The following SPATA17 variants were observed in gnomAD, a reference collection of about 807,000 sequenced individuals.
SPATA17 encodes the protein spermatogenesis-associated protein 17.
In SPATA17, 53 loss-of-function variants were observed where a neutral mutation model predicts 62.2. The ratio of observed to expected loss-of-function variants is 0.85; its 90% confidence interval spans 0.68 to 1.07. SPATA17 has a LOEUF of 1.07. Among genes scored for constraint, SPATA17 ranks in the 50% least tolerant of loss-of-function variants. SPATA17 has a pLI of 0.00. For missense variants in SPATA17, 466 were observed against 425.5 expected, an observed-to-expected ratio of 1.10 and a Z score of -0.84; for synonymous variants, 146 against 146.8, an observed-to-expected ratio of 0.99 and a Z score of 0.04.
At chr1:217,660,300 T>C (rs1318697699) in intron 3 of SPATA17, among the ~76,000 whole-genome samples, 2 of 152,206 alleles carry the variant, frequency 1.3e-5, no homozygotes, top group Non-Finnish European at 2.9e-5. Context: ...ATACATTTGT[T>C]TATTTACATC....
chr1:217,842,070 A>C (rs866339696), intron 9 of SPATA17, among the ~76,000 whole-genome samples: 12 of 152,094 alleles, frequency 7.9e-5, no homozygotes, highest in African/African-American at 2.9e-4. Flanking sequence ...ATTCTTCTGC[A>C]TCTATGAGAT....
chr1:217,836,405 T>G (rs1675260227), intron 9 of SPATA17, among the ~76,000 whole-genome samples: 1 of 152,102 alleles, frequency 6.6e-6, no homozygotes, highest in South Asian at 2.1e-4. Context: ...AAAATAAGAA[T>G]TTGTCTGTCA....
intron 6 of SPATA17, among the ~76,000 whole-genome samples, chr1:217,756,806 TTG>T (rs2102959721): frequency 6.6e-6 from 1 of 152,310 alleles, no homozygotes; most frequent in Admixed American, 6.5e-5. Context: ...AAGTGGGTAC[TTG>T]TCATCTACTT....
intron 9 of SPATA17, among the ~76,000 whole-genome samples, chr1:217,855,729 A>ATTTTT (rs3081687): frequency 0.31 from 39,460 of 128,662 alleles, 7,784 homozygotes; most frequent in East Asian, 0.53. Context: ...AGAAGGAACT[A>ATTTTT]TTTTTTTTTT....
chr1:217,700,579 A>AT (rs1009243220), intron 5 of SPATA17, among the ~76,000 whole-genome samples: 16 of 150,192 alleles, frequency 1.1e-4, no homozygotes, highest in South Asian at 4.2e-4. Context: ...TTATACATAC[A>AT]TTTTTTTTTC....
At chr1:217,743,671 G>A (rs1028358085) in intron 6 of SPATA17, among the ~76,000 whole-genome samples, 1 of 151,752 alleles carries the variant, frequency 6.6e-6, no homozygotes, top group Admixed American at 6.6e-5. Context: ...GTACAGTGGC[G>A]TGATCTTGGC....
At chr1:217,838,528 T>G (rs1396713963) in intron 9 of SPATA17, among the ~76,000 whole-genome samples, 1 of 152,094 alleles carries the variant, frequency 6.6e-6, no homozygotes, top group Non-Finnish European at 1.5e-5. Context: ...TGAAAATAAT[T>G]AACTAATAGT....
intron 9 of SPATA17, among the ~76,000 whole-genome samples, chr1:217,814,245 G>T (rs567650060): frequency 7.7e-4 from 118 of 152,266 alleles, no homozygotes; most frequent in Admixed American, 2.2e-3. Flanking sequence ...AAGAAGCATG[G>T]TAAGCCATTT....
At chr1:217,689,178 A>C (rs1413148957) in intron 5 of SPATA17, among the ~76,000 whole-genome samples, 1 of 151,884 alleles carries the variant, frequency 6.6e-6, no homozygotes, top group Non-Finnish European at 1.5e-5. Context: ...AGTAGAGCAA[A>C]AGTACAATAT....
chr1:217,671,813 A>C (rs1175140047), intron 4 of SPATA17, among the ~76,000 whole-genome samples: 1 of 152,242 alleles, frequency 6.6e-6, no homozygotes, highest in Non-Finnish European at 1.5e-5. Context: ...TGTGGAGCAC[A>C]TAAATGTTAC....
At chr1:217,795,315 A>G (rs1396202956) in intron 8 of SPATA17, among the ~76,000 whole-genome samples, 1 of 151,470 alleles carries the variant, frequency 6.6e-6, no homozygotes, top group Admixed American at 6.6e-5. Context: ...GCCAGGCACT[A>G]CATTAGGCAT....
chr1:217,751,916 AC>A (rs1438359118), intron 6 of SPATA17, among the ~76,000 whole-genome samples: 22 of 151,928 alleles, frequency 1.4e-4, no homozygotes, highest in African/African-American at 5.3e-4. Context: ...CACATTATAA[AC>A]CTCCCCCTTA....
intron 3 of SPATA17, among the ~76,000 whole-genome samples, chr1:217,653,967 T>C (rs1224200992): frequency 6.6e-6 from 1 of 152,136 alleles, no homozygotes; most frequent in East Asian, 1.9e-4. Flanking sequence ...CTCACAGGTA[T>C]GGAAAAAATG....
intron 4 of SPATA17, among the ~76,000 whole-genome samples, chr1:217,678,553 T>C (rs1200762180): frequency 6.6e-6 from 1 of 152,186 alleles, no homozygotes; most frequent in African/African-American, 2.4e-5. Flanking sequence ...TTTTTTCTTT[T>C]AGTGGCATTA....
chr1:217,704,997 C>T lies in SPATA17; in HGVS notation c.395+21636C>T, dbSNP rs151184668. 3.3e-3 allele frequency among the ~76,000 whole-genome samples: 503 copies of T among 152,298 alleles called. 2 individuals are homozygous for T. Among genetic ancestry groups the T allele is most frequent in the African/African-American group, 0.012 (479 of 41,552 alleles). On this transcript the variant is annotated intron_variant, in intron 5 of 10. Transcript: ENST00000366933. Reference sequence around the variant, plus strand: ...ATCACCAAACAGATTTCCAAAAAGGCTCAACTAATTTACATTCCCACCAGC... The same window carrying T: ...ATCACCAAACAGATTTCCAAAAAGGTTCAACTAATTTACATTCCCACCAGC...
chr1:217,819,012 G>T (rs559120207), intron 9 of SPATA17, among the ~76,000 whole-genome samples: 2 of 149,762 alleles, frequency 1.3e-5, no homozygotes, highest in Admixed American at 1.3e-4. Flanking sequence ...CTTTAAATAA[G>T]TTTCCTGCAT....
intron 5 of SPATA17, among the ~76,000 whole-genome samples, chr1:217,723,767 G>T (rs1050226887): frequency 6.6e-6 from 1 of 152,240 alleles, no homozygotes; most frequent in East Asian, 1.9e-4. Context: ...TCACATGTAT[G>T]ATTGCTAAAG....
intron 6 of SPATA17, among the ~76,000 whole-genome samples, chr1:217,771,331 T>C (rs1445351212): frequency 5.3e-5 from 8 of 152,000 alleles, no homozygotes; most frequent in Non-Finnish European, 1.0e-4. Flanking sequence ...GTAGCCCTTC[T>C]AAGTTGTGAA....
rs114504321 is a variant in SPATA17, at chr1:217,701,682, T to A, written c.395+18321T>A. On this transcript the variant is annotated intron_variant, in intron 5 of 10. Transcript: ENST00000366933. ...GACTAGAGGTGTGAGCCATCACACC[T>A]GGCCTATACTATTTTTATTTCATGT... Among the ~76,000 whole-genome samples the A allele has an allele frequency of 9.4e-3, 1,433 of 152,302 alleles. 6 individuals carry two copies. Among genetic ancestry groups the A allele is most frequent in the Middle Eastern group, 0.024 (7 of 294 alleles).
Sources: allele counts gnomAD v4.1 joint callset (sites outside exome capture counted in the v4.1 genomes callset), GRCh38; gene constraint gnomAD v4.1.1; transcripts MANE v1.5; gene names NCBI Gene and HGNC (gene_info 2026-07-23, HGNC 2026-07-21).